MACO1: variants seen among roughly 807,000 people sequenced by gnomAD.
The protein encoded by MACO1 is macoilin.
A neutral mutation model predicts 78.7 loss-of-function variants in MACO1; 14 were observed. The observed-to-expected ratio is 0.18, with a 90% CI of 0.12 to 0.28. MACO1 has a LOEUF of 0.28. Ranked by LOEUF, MACO1 falls within the 10% of genes least tolerant of loss-of-function variation. The pLI, the probability that MACO1 is intolerant of heterozygous loss-of-function variation, is 1.00. For synonymous variants in MACO1, 288 were observed against 291.6 expected (o/e 0.99, Z 0.12); for missense variants, 501 against 799.0 (o/e 0.63, Z 4.50).
chr1:25,459,969 T>G (rs1557665598), intron 6 of MACO1, among the ~76,000 whole-genome samples: 1 of 152,198 alleles, frequency 6.6e-6, no homozygotes, highest in Non-Finnish European at 1.5e-5. Context: ...CCCCTTCCAG[T>G]AAGTTATATT....
intron 6 of MACO1, among the ~76,000 whole-genome samples, chr1:25,469,513 CT>C (rs1337827015): frequency 6.6e-6 from 1 of 152,128 alleles, no homozygotes; most frequent in African/African-American, 2.4e-5. Flanking sequence ...TGTGACTAGA[CT>C]TTCCTGATGG....
chr1:25,438,478 A>G (rs2042939195), intron 1 of MACO1, among the ~76,000 whole-genome samples: 1 of 152,282 alleles, frequency 6.6e-6, no homozygotes, highest in African/African-American at 2.4e-5. Flanking sequence ...CCTGAGGAAT[A>G]GAGAACTAAA....
At chr1:25,433,577 GACTT>G (rs763594660) in intron 1 of MACO1, among the ~76,000 whole-genome samples, 9 of 152,096 alleles carry the variant, frequency 5.9e-5, no homozygotes, top group Non-Finnish European at 1.3e-4. Flanking sequence ...ACCTTTCATG[GACTT>G]ACTATTTTCA....
In MACO1 at chr1:25,458,456, A is replaced by C. The variant is rs1233643242; in HGVS notation, c.718A>C (p.Asn240His). ...ACACCACAATGGAGGTATCCCAGCC[A>C]ACAAAAAACTCTCCACAACTTTGCC... Reference protein sequence around the residue: ...LIHHNGGIPANKKLSTTLPEI... With the variant: ...LIHHNGGIPAHKKLSTTLPEI... Residue 240 changes from asparagine (N) to histidine (H), a missense_variant, in exon 6 of 11, where the codon AAC becomes CAC. Coordinates refer to ENST00000374343, the MANE Select transcript of MACO1 (RefSeq NM_018202.6). 2 of 1,613,582 alleles carry C rather than the reference A, an allele frequency of 1.2e-6. No individual in the cohort carries two copies. Among genetic ancestry groups the C allele is most frequent in the South Asian group, 2.2e-5 (2 of 91,050 alleles).
chr1:25,442,391 C>T (rs2042980426), intron 1 of MACO1, among the ~76,000 whole-genome samples: 1 of 152,152 alleles, frequency 6.6e-6, no homozygotes, highest in Non-Finnish European at 1.5e-5. Flanking sequence ...AGATGGATGG[C>T]TACTAGCAGA....
intron 10 of MACO1, among the ~76,000 whole-genome samples, chr1:25,497,628 G>C (rs954668238): frequency 8.5e-5 from 13 of 152,214 alleles, no homozygotes; most frequent in Non-Finnish European, 1.5e-4. Context: ...GCAAGGGCAA[G>C]TGATGTGGGT....
chr1:25,452,976 T>G (rs1005303140), intron 3 of MACO1, among the ~76,000 whole-genome samples: 1 of 151,118 alleles, frequency 6.6e-6, no homozygotes, highest in Non-Finnish European at 1.5e-5. Context: ...ATTACAAGCA[T>G]GAGCCACCAC....
At chr1:25,442,821 A>G (rs907327386) in intron 1 of MACO1, among the ~76,000 whole-genome samples, 1 of 152,222 alleles carries the variant, frequency 6.6e-6, no homozygotes, top group African/African-American at 2.4e-5. Context: ...TTACAAGACC[A>G]TCAGAAGATG....
Position 25,491,514 on chromosome 1 carries a change from A to C in MACO1, c.1722A>C (p.Ala574=), listed in dbSNP as rs2043485634. 8 of 1,614,272 alleles carry C rather than the reference A, an allele frequency of 5.0e-6. No homozygotes were observed. In the Middle Eastern group the frequency reaches 1.3e-3, roughly 266 times the overall value. ...KTQHLENSLS[A]ETRIKLDLFS... ...AGCACCTGGAGAACAGCTTAAGTGC[A>C]GAGACGAGAATCAAGCTGGACCTGT... is the stretch of plus-strand genomic sequence containing the variant. Residue 574 remains alanine, a synonymous_variant, in exon 10 of 11, where the codon GCA becomes GCC. Transcript: ENST00000374343.
intron 6 of MACO1, among the ~76,000 whole-genome samples, chr1:25,473,300 C>G (rs1177462754): frequency 1.3e-5 from 2 of 152,066 alleles, no homozygotes; most frequent in Non-Finnish European, 2.9e-5. Context: ...TGATTTTATA[C>G]TTAAACAGGG....
At chr1:25,464,177 C>G (rs1488681133) in intron 6 of MACO1, among the ~76,000 whole-genome samples, 1 of 152,054 alleles carries the variant, frequency 6.6e-6, no homozygotes, top group Non-Finnish European at 1.5e-5. Context: ...CCTCCCCTGA[C>G]CCCTGAGAAG....
chr1:25,459,337 T>C (rs1254182072), intron 6 of MACO1, among the ~76,000 whole-genome samples: 3 of 152,234 alleles, frequency 2.0e-5, no homozygotes, highest in Admixed American at 1.3e-4. Flanking sequence ...TTTTTCTGTT[T>C]GTTTTTCTGC....
At chr1:25,484,035 G>T (rs758841285) in intron 6 of MACO1, 81 bp from the exon 7 acceptor site, 14 of 1,451,640 alleles carry the variant, frequency 9.6e-6, no homozygotes, top group Non-Finnish European at 1.3e-5. Flanking sequence ...TCACCCAGCA[G>T]TCCAGGACCC....
At chr1:25,495,454 A>C (rs1441650393) in intron 10 of MACO1, among the ~76,000 whole-genome samples, 1 of 152,188 alleles carries the variant, frequency 6.6e-6, no homozygotes, top group Non-Finnish European at 1.5e-5. Flanking sequence ...TTCAAAGAGA[A>C]GGTGGATATT....
chr1:25,484,188 T>C lies in MACO1; in HGVS notation c.1227T>C (p.Ser409=). The C allele has an allele frequency of 1.2e-6, 2 of 1,614,002 alleles. No individual in the cohort carries two copies. The highest frequency in any genetic ancestry group is 1.7e-6 in the Non-Finnish European group (2 of 1,179,992). Reference sequence around the variant, plus strand: ...GACAAGTGGAACAAGAGCTCCGCAGTCAGATCAGCTCCCTTTCGAGCACCG... The same window carrying C: ...GACAAGTGGAACAAGAGCTCCGCAGCCAGATCAGCTCCCTTTCGAGCACCG... ...ASRQVEQELR[S]QISSLSSTER... Residue 409 remains serine (S), a synonymous_variant, in exon 7 of 11, where the codon AGT becomes AGC. Transcript: ENST00000374343.
intron 4 of MACO1, 107 bp downstream of exon 4, chr1:25,454,489 T>TATATATATATA (rs371533394): frequency 0.011 from 974 of 88,810 alleles, 18 homozygotes; most frequent in Non-Finnish European, 0.012. Flanking sequence ...TATATATATA[T>TATATATATATA]TTTTTTTTTT....
chr1:25,490,455 A>C (rs116144064), intron 9 of MACO1, among the ~76,000 whole-genome samples: 1,560 of 152,286 alleles, frequency 0.01, 25 homozygotes, highest in African/African-American at 0.035. Context: ...TGAGAATATC[A>C]ATCATGGTGA....
Position 25,458,749 on chromosome 1 carries a change from C to A in MACO1, c.1011C>A (p.Ser337Arg), listed in dbSNP as rs199864338. The A allele has an allele frequency of 1.2e-6, 2 of 1,613,976 alleles. No individual in the cohort carries two copies. Among genetic ancestry groups the A allele is most frequent in the Non-Finnish European group, 1.7e-6 (2 of 1,180,012 alleles). ...GVVNSSPRSH[S>R]ATNGSIPSSS... is the part of the protein sequence containing the mutation. ...TGAACTCTTCACCTCGAAGTCATAG[C>A]GCCACAAATGGGAGCATTCCTTCCT... Residue 337 changes from serine (S) to arginine (R), a missense_variant, in exon 6 of 11, where the codon AGC becomes AGA. This residue lies in a region of MACO1 where 163 missense variants were observed against 271.9 expected (regional missense o/e 0.60). Transcript: ENST00000374343.
chr1:25,494,565 A>G (rs540016107), intron 10 of MACO1, among the ~76,000 whole-genome samples: 140 of 152,160 alleles, frequency 9.2e-4, no homozygotes, highest in Non-Finnish European at 1.7e-3. Flanking sequence ...TAAGCGGGAA[A>G]TCTCCCTCCT....
Sources: gnomAD v4.1 joint callset for allele counts (sites outside exome capture counted in the v4.1 genomes callset) on GRCh38, gnomAD v4.1.1 for gene constraint, gnomAD v4.1.1 regional missense constraint, MANE v1.5 for transcripts, NCBI Gene and HGNC (gene_info 2026-07-23, HGNC 2026-07-21) for gene names.